Variants in LAMP3 observed in about 807,000 individuals in gnomAD.
The protein encoded by LAMP3 is lysosome associated membrane protein 3.
In LAMP3, 26 loss-of-function variants were observed where a neutral mutation model predicts 34.8. That is an observed-to-expected ratio of 0.75 (90% CI 0.55 to 1.04). The LOEUF is 1.04. Among genes scored for constraint, LAMP3 ranks in the 50% least tolerant of loss-of-function variants. The probability of loss-of-function intolerance (pLI) is 0.00; values close to 1 mark genes in which losing one functional copy is unlikely to be tolerated. For missense variants in LAMP3, 495 were observed against 524.0 expected (o/e 0.94, Z 0.54); for synonymous variants, 180 against 201.9 (o/e 0.89, Z 0.92).
chr3:183,128,120 C>T (rs1263009063), intron 5 of LAMP3, among the ~76,000 whole-genome samples: 3 of 141,362 alleles, frequency 2.1e-5, no homozygotes, highest in Non-Finnish European at 4.5e-5. Flanking sequence ...TGCACTCCAG[C>T]GTGGGAGACA....
chr3:183,138,722 C>A (rs1214480403), intron 4 of LAMP3, among the ~76,000 whole-genome samples: 2 of 152,250 alleles, frequency 1.3e-5, no homozygotes, highest in Non-Finnish European at 2.9e-5. Context: ...CCCCTAGACC[C>A]CTCGGTGGCA....
rs147003057 is a variant in LAMP3, at chr3:183,156,839, C to A, written c.50-2448G>T. ...ATGACACAACTGGTCAAAGTTGGGG[C>A]GGAGACTTGAGCACCGGTACATCTG... On this transcript the variant is annotated intron_variant, in intron 1 of 5. Transcript: ENST00000265598. Among the ~76,000 whole-genome samples the A allele has an allele frequency of 5.7e-4, 86 of 152,152 alleles. 1 individual carries two copies. In the East Asian group the frequency reaches 0.016, roughly 28 times the overall value.
Position 183,154,052 on chromosome 3 carries a change from G to T in LAMP3, c.389C>A (p.Ala130Asp). 1 of 1,614,142 alleles carries T rather than the reference G, an allele frequency of 6.2e-7. No individual in the cohort carries two copies. The highest frequency in any genetic ancestry group is 8.5e-7 in the Non-Finnish European group (1 of 1,180,010). ...GATGGTGGGTGGCAGTGAATAAGGG[G>T]CTAAGCTAGGGCCGACTGTAACTTC... ...VTEVTVGPSL[A>D]PYSLPPTITP... Residue 130 changes from alanine (A) to aspartate (D), a missense_variant, in exon 2 of 6, where the codon GCC becomes GAC. Coordinates refer to ENST00000265598, the MANE Select transcript of LAMP3 (RefSeq NM_014398.4).
At chr3:183,149,527 A>G (rs1720548297) in intron 3 of LAMP3, among the ~76,000 whole-genome samples, 1 of 131,944 alleles carries the variant, frequency 7.6e-6, no homozygotes, top group Non-Finnish European at 1.6e-5. Context: ...CCTGGGTGAC[A>G]GAGCGAGACT....
chr3:183,151,791 C>G (rs1487961941), intron 3 of LAMP3, among the ~76,000 whole-genome samples: 1 of 152,162 alleles, frequency 6.6e-6, no homozygotes, highest in East Asian at 1.9e-4. Flanking sequence ...TGCTAAAGAC[C>G]AAACAGGTTA....
At chr3:183,140,740 T>C (rs548772855) in intron 3 of LAMP3, 145 bp from the exon 4 acceptor site, 3 of 526,858 alleles carry the variant, frequency 5.7e-6, no homozygotes, top group African/African-American at 2.0e-5. Context: ...TAATTGTGTA[T>C]GAAAATTCCA....
At chr3:183,124,333 C>T in intron 5 of LAMP3, 119 bp from the exon 6 acceptor site, 1 of 830,622 alleles carries the variant, frequency 1.2e-6, no homozygotes, top group Non-Finnish European at 1.7e-6. Flanking sequence ...TTTAACTCCA[C>T]CATTAACTAG....
At chr3:183,160,331 G>C (rs1720940557) in intron 1 of LAMP3, among the ~76,000 whole-genome samples, 1 of 152,180 alleles carries the variant, frequency 6.6e-6, no homozygotes, top group Non-Finnish European at 1.5e-5. Context: ...AGGATTTCTT[G>C]AGCCTATGCA....
chr3:183,143,678 A>G (rs1720353708), intron 3 of LAMP3, among the ~76,000 whole-genome samples: 1 of 152,118 alleles, frequency 6.6e-6, no homozygotes, highest in South Asian at 2.1e-4. Context: ...TTCTGTTCAT[A>G]CATCCCTATT....
At chr3:183,136,443 G>C (rs994108181) in intron 4 of LAMP3, among the ~76,000 whole-genome samples, 1 of 152,056 alleles carries the variant, frequency 6.6e-6, no homozygotes, top group African/African-American at 2.4e-5. Context: ...CCTGAGGTCG[G>C]GAGTTCGAGA....
chr3:183,130,222 C>T (rs968630064), intron 5 of LAMP3, among the ~76,000 whole-genome samples: 2 of 139,802 alleles, frequency 1.4e-5, no homozygotes, highest in Admixed American at 7.7e-5. Context: ...ACAGTGGTGC[C>T]ATCTTGGCTC....
chr3:183,147,673 T>C (rs1248538169), intron 3 of LAMP3, among the ~76,000 whole-genome samples: 1 of 152,066 alleles, frequency 6.6e-6, no homozygotes, highest in African/African-American at 2.4e-5. Context: ...GCACCTGTAA[T>C]TCTTGAATTC....
At chr3:183,129,388 G>A (rs1378903736) in intron 5 of LAMP3, among the ~76,000 whole-genome samples, 1 of 151,722 alleles carries the variant, frequency 6.6e-6, no homozygotes, top group Non-Finnish European at 1.5e-5. Flanking sequence ...TATTTTTGAG[G>A]TCTATACGTC....
rs140185176 is a variant in LAMP3 at position 183,160,010 on chromosome 3, G to A, written c.49+2597C>T. Among the ~76,000 whole-genome samples, 14 of 152,240 alleles carry A rather than the reference G, an allele frequency of 9.2e-5. No homozygotes were observed. In the South Asian group the frequency reaches 1.0e-3, roughly 11 times the overall value. ...GGTAGAAGTCACATACCTATATGTC[G>A]GATCCTAATGACGGATCTCCAGTGA... On this transcript the variant is annotated intron_variant, in intron 1 of 5. Coordinates refer to ENST00000265598, the MANE Select transcript of LAMP3 (RefSeq NM_014398.4).
intron 5 of LAMP3, chr3:183,132,864 A>G (rs1576870709): frequency 4.1e-6 from 4 of 985,438 alleles, no homozygotes; most frequent in Non-Finnish European, 4.8e-6. Context: ...GCCACCAGAC[A>G]TGCGGTTAGC....
chr3:183,162,723 A>G lies in LAMP3; in HGVS notation c.-68T>C, dbSNP rs1272334959. 90 of 1,386,980 alleles carry G rather than the reference A, an allele frequency of 6.5e-5. No homozygotes were observed. Among genetic ancestry groups the G allele is most frequent in the Non-Finnish European group, 5.0e-5 (53 of 1,052,282 alleles). 85.9% of individuals were successfully genotyped at this position (1,386,980 alleles called of 1,614,324 possible). A position where few individuals can be genotyped will look rare whatever the true frequency, so the allele number is the denominator to read the frequency against. ...GGCAGGCCCCGAATCGGTGCCAGAG[A>G]AACCTACCTGTGCCGGAGAAACGAA... On this transcript the variant is annotated 5_prime_UTR_variant, in exon 1 of 6. Coordinates refer to ENST00000265598, the MANE Select transcript of LAMP3 (RefSeq NM_014398.4).
chr3:183,130,785 T>C (rs1167735378), intron 5 of LAMP3, among the ~76,000 whole-genome samples: 1 of 152,200 alleles, frequency 6.6e-6, no homozygotes, highest in Non-Finnish European at 1.5e-5. Flanking sequence ...CCAGTCTTCC[T>C]GGGAGCCATT....
intron 3 of LAMP3, among the ~76,000 whole-genome samples, chr3:183,150,003 G>A (rs1288879518): frequency 1.3e-5 from 2 of 152,166 alleles, no homozygotes; most frequent in African/African-American, 4.8e-5. Flanking sequence ...AGCTACTTTG[G>A]GAATTTGTGA....
At chr3:183,146,632 A>G (rs1322450390) in intron 3 of LAMP3, among the ~76,000 whole-genome samples, 2 of 149,680 alleles carry the variant, frequency 1.3e-5, no homozygotes, top group African/African-American at 4.9e-5. Flanking sequence ...GGTTCAAGCG[A>G]TTCTCCTGCC....
Sources: allele counts gnomAD v4.1 joint callset (sites outside exome capture counted in the v4.1 genomes callset), GRCh38; gene constraint gnomAD v4.1.1; transcripts MANE v1.5; gene names NCBI Gene and HGNC (gene_info 2026-07-23, HGNC 2026-07-21).